Variants in LRRTM4 observed in about 807,000 individuals in gnomAD.
LRRTM4 encodes the protein leucine rich repeat transmembrane neuronal 4.
Under a neutral mutation model 47.6 loss-of-function variants are expected in LRRTM4, and 25 were observed. That is an observed-to-expected ratio of 0.53 (90% CI 0.38 to 0.73). The LOEUF is 0.73. LRRTM4 is among the 30% of genes least tolerant of loss of function. The pLI is 0.00. For missense variants in LRRTM4, 638 were observed against 713.4 expected (o/e 0.89, Z 1.20); for synonymous variants, 311 against 269.5 (o/e 1.15, Z -1.51).
At chr2:76,862,256 C>T (rs1011693283) in intron 3 of LRRTM4, among the ~76,000 whole-genome samples, 3 of 152,040 alleles carry the variant, frequency 2.0e-5, no homozygotes, top group Admixed American at 6.6e-5. Context: ...GTTGTTGGTA[C>T]TCTTGGTGCA....
chr2:76,804,520 A>G (rs558608867), intron 3 of LRRTM4, among the ~76,000 whole-genome samples: 10 of 151,808 alleles, frequency 6.6e-5, no homozygotes, highest in East Asian at 1.9e-4. Context: ...TGGTGTATCT[A>G]TTTTAACCGG....
intron 3 of LRRTM4, among the ~76,000 whole-genome samples, chr2:77,273,392 T>G (rs887794495): frequency 7.9e-5 from 12 of 152,166 alleles, no homozygotes; most frequent in African/African-American, 2.9e-4. Flanking sequence ...TACCTTAATT[T>G]TTAATCACTA....
intron 3 of LRRTM4, among the ~76,000 whole-genome samples, chr2:77,041,883 A>G (rs1322625637): frequency 6.7e-6 from 1 of 148,342 alleles, no homozygotes; most frequent in African/African-American, 2.5e-5. Context: ...TATTGAAACA[A>G]TTCTATAATT....
chr2:76,788,053 A>G (rs1238174463), intron 3 of LRRTM4, among the ~76,000 whole-genome samples: 1 of 152,166 alleles, frequency 6.6e-6, no homozygotes, highest in African/African-American at 2.4e-5. Flanking sequence ...AAGATGAATG[A>G]ATGTTACTGT....
At chr2:76,775,049 G>C (rs1225882815) in intron 3 of LRRTM4, among the ~76,000 whole-genome samples, 2 of 151,978 alleles carry the variant, frequency 1.3e-5, no homozygotes, top group Non-Finnish European at 2.9e-5. Flanking sequence ...ATTTCTCCAA[G>C]ATACATATCT....
chr2:77,382,957 A>T (rs183598698), intron 3 of LRRTM4, among the ~76,000 whole-genome samples: 34 of 152,192 alleles, frequency 2.2e-4, no homozygotes, highest in Admixed American at 2.0e-3. Context: ...GTCTGTTGCT[A>T]AGAAAATATG....
At chr2:77,402,746 C>T (rs903711091) in intron 3 of LRRTM4, among the ~76,000 whole-genome samples, 1 of 151,934 alleles carries the variant, frequency 6.6e-6, no homozygotes, top group Non-Finnish European at 1.5e-5. Flanking sequence ...CATGACCCTG[C>T]TTGATTCAGA....
At chr2:77,343,573 T>C (rs1371328551) in intron 3 of LRRTM4, among the ~76,000 whole-genome samples, 1 of 151,786 alleles carries the variant, frequency 6.6e-6, no homozygotes, top group Non-Finnish European at 1.5e-5. Flanking sequence ...CCAAAAAATA[T>C]TTTTAAAAGG....
chr2:77,090,593 A>T (rs966974577), intron 3 of LRRTM4, among the ~76,000 whole-genome samples: 24 of 152,054 alleles, frequency 1.6e-4, no homozygotes, highest in Non-Finnish European at 5.9e-5. Flanking sequence ...GAACTTCCAA[A>T]CGCCTGAACC....
chr2:77,223,565 A>G (rs1450995795), intron 3 of LRRTM4, among the ~76,000 whole-genome samples: 4 of 152,172 alleles, frequency 2.6e-5, no homozygotes, highest in Non-Finnish European at 4.4e-5. Context: ...TACAACAATA[A>G]CAGACAAACA....
intron 3 of LRRTM4, among the ~76,000 whole-genome samples, chr2:77,451,852 AG>A (rs1457779498): frequency 6.6e-6 from 1 of 152,212 alleles, no homozygotes; most frequent in African/African-American, 2.4e-5. Flanking sequence ...AATAGTGAGA[AG>A]GAGCTATTCA....
chr2:76,880,695 C>T lies in LRRTM4; in HGVS notation c.1552-131779G>A, dbSNP rs147083632. 3.6e-4 allele frequency among the ~76,000 whole-genome samples: 55 copies of T among 152,188 alleles called. No individual in the cohort carries two copies. In the East Asian group the frequency reaches 0.01, roughly 28 times the overall value. On this transcript the variant is annotated intron_variant, in intron 3 of 3. Coordinates refer to ENST00000409884, the MANE Select transcript of LRRTM4 (RefSeq NM_001134745.3). ...AGAAGTCAGGTGTTTCAAACTGATT[C>T]GATCCCTAGGCCCTGGATTCTGGTA...
chr2:77,216,499 C>G (rs1026743406), intron 3 of LRRTM4, among the ~76,000 whole-genome samples: 1 of 151,168 alleles, frequency 6.6e-6, no homozygotes, highest in East Asian at 2.0e-4. Flanking sequence ...ACACCAATCT[C>G]AGCTCACTGT....
chr2:77,382,641 C>G (rs755909183), intron 3 of LRRTM4, among the ~76,000 whole-genome samples: 1 of 152,090 alleles, frequency 6.6e-6, no homozygotes, highest in African/African-American at 2.4e-5. Flanking sequence ...CAATTAGGAA[C>G]TTATTCTCAC....
chr2:76,790,739 G>A (rs1182563025), intron 3 of LRRTM4, among the ~76,000 whole-genome samples: 1 of 151,158 alleles, frequency 6.6e-6, no homozygotes, highest in Admixed American at 6.6e-5. Context: ...CAGGCAAAAT[G>A]TCAGTATCTT....
chr2:76,791,861 G>C (rs773618609), intron 3 of LRRTM4, among the ~76,000 whole-genome samples: 9 of 152,116 alleles, frequency 5.9e-5, no homozygotes, highest in Non-Finnish European at 1.3e-4. Flanking sequence ...TTTCCAATAT[G>C]AAATAGACTT....
At chr2:77,457,989 C>G (rs999442662) in intron 3 of LRRTM4, among the ~76,000 whole-genome samples, 1 of 152,036 alleles carries the variant, frequency 6.6e-6, no homozygotes, top group African/African-American at 2.4e-5. Flanking sequence ...AAGCAGGGAC[C>G]CCAAATTGGA....
chr2:76,932,889 G>C (rs1432862981), intron 3 of LRRTM4, among the ~76,000 whole-genome samples: 2 of 151,992 alleles, frequency 1.3e-5, no homozygotes, highest in African/African-American at 4.8e-5. Flanking sequence ...TACATATGCA[G>C]AACATGCAGG....
chr2:77,302,616 T>G (rs1677160237), intron 3 of LRRTM4, among the ~76,000 whole-genome samples: 1 of 152,254 alleles, frequency 6.6e-6, no homozygotes, highest in Non-Finnish European at 1.5e-5. Context: ...TTGGTCAATC[T>G]TACTGATTTA....
Sources: gnomAD v4.1 joint callset for allele counts (sites outside exome capture counted in the v4.1 genomes callset) on GRCh38, gnomAD v4.1.1 for gene constraint, MANE v1.5 for transcripts, NCBI Gene and HGNC (gene_info 2026-07-23, HGNC 2026-07-21) for gene names.